The following NECAB1 variants were observed in gnomAD, a reference collection of about 807,000 sequenced individuals.
NECAB1 encodes the protein N-terminal EF-hand calcium-binding protein 1.
A neutral mutation model predicts 57.5 loss-of-function variants in NECAB1; 29 were observed. The ratio of observed to expected loss-of-function variants is 0.50; its 90% CI spans 0.38 to 0.69. The LOEUF (loss-of-function observed/expected upper bound fraction) is 0.69, where lower values mean the gene tolerates loss of function less well. Ranked by LOEUF, NECAB1 falls within the 30% of genes least tolerant of loss-of-function variation. The pLI is 0.00. For missense variants in NECAB1, 372 were observed against 413.8 expected, an observed-to-expected ratio of 0.90 and a Z score of 0.88; for synonymous variants, 142 against 147.7, an observed-to-expected ratio of 0.96 and a Z score of 0.28.
At chr8:90,923,068 A>C (rs1810167285) in intron 6 of NECAB1, among the ~76,000 whole-genome samples, 2 of 152,194 alleles carry the variant, frequency 1.3e-5, no homozygotes, top group South Asian at 4.1e-4. Context: ...TAAGAAGCCA[A>C]GATACAATAT....
intron 10 of NECAB1, among the ~76,000 whole-genome samples, chr8:90,944,703 G>A (rs1331923529): frequency 6.6e-6 from 1 of 152,076 alleles, no homozygotes; most frequent in Non-Finnish European, 1.5e-5. Context: ...CATGTTCATG[G>A]CCTAAAATTT....
At chr8:90,795,228 GA>G (rs1246509086) in intron 1 of NECAB1, among the ~76,000 whole-genome samples, 40 of 152,334 alleles carry the variant, frequency 2.6e-4, no homozygotes, top group Non-Finnish European at 1.0e-4. Flanking sequence ...CCGCTACTGT[GA>G]AAAGGGAGAA....
intron 3 of NECAB1, among the ~76,000 whole-genome samples, chr8:90,851,146 G>A (rs988984135): frequency 6.6e-6 from 1 of 152,174 alleles, no homozygotes; most frequent in African/African-American, 2.4e-5. Flanking sequence ...TGGGAAAGTG[G>A]TATACCCGAA....
At chr8:90,900,152 T>A (rs180944917) in intron 5 of NECAB1, among the ~76,000 whole-genome samples, 14 of 152,270 alleles carry the variant, frequency 9.2e-5, no homozygotes, top group Non-Finnish European at 1.3e-4. Context: ...AAATAGGCAG[T>A]TGTTCGGGAG....
In NECAB1 at chr8:90,958,747, A is replaced by G. The variant is rs573040851; in HGVS notation, c.*3235A>G. The G allele has an allele frequency of 1.3e-4, 48 of 365,984 alleles. No individual in the cohort carries two copies. Among genetic ancestry groups the G allele is most frequent in the African/African-American group, 8.8e-4 (41 of 46,410 alleles). 22.7% of individuals were successfully genotyped at this position (365,984 alleles called of 1,614,324 possible). A position where few individuals can be genotyped will look rare whatever the true frequency, so the allele number is the denominator to read the frequency against. ...TGCAAGTAGTATGCAAATTATAAAT[A>G]TACAGTCTTCCCACTTCACTAACCA... On this transcript the variant is annotated 3_prime_UTR_variant, in exon 13 of 13. Transcript: ENST00000417640.
chr8:90,953,732 C>T (rs1810962294), intron 12 of NECAB1, among the ~76,000 whole-genome samples: 1 of 151,912 alleles, frequency 6.6e-6, no homozygotes, highest in African/African-American at 2.4e-5. Flanking sequence ...TTTTAAAAAC[C>T]AGTTTTGTAC....
rs1353572124 is a variant in NECAB1, at chr8:90,917,640, G to A, written c.494+12G>A. 3 of 1,600,490 alleles carry A rather than the reference G, an allele frequency of 1.9e-6. No homozygotes were observed. Among genetic ancestry groups the A allele is most frequent in the East Asian group, 2.2e-5 (1 of 44,638 alleles). Reference sequence around the variant, plus strand: ...ACCCGTCAAGAAAGGCAATTTACATGTTTTCATCTGATGTCTATTTAGTGA... The same window carrying A: ...ACCCGTCAAGAAAGGCAATTTACATATTTTCATCTGATGTCTATTTAGTGA... On this transcript the variant is annotated intron_variant, in intron 6 of 12. Coordinates refer to ENST00000417640, the MANE Select transcript of NECAB1 (RefSeq NM_022351.5).
At chr8:90,815,461 G>A (rs1239887716) in intron 2 of NECAB1, among the ~76,000 whole-genome samples, 1 of 151,768 alleles carries the variant, frequency 6.6e-6, no homozygotes, top group Non-Finnish European at 1.5e-5. Flanking sequence ...ATAGGTTTTG[G>A]CAAATGCATG....
At chr8:90,836,349 TTAAAA>T (rs1812370654) in intron 3 of NECAB1, among the ~76,000 whole-genome samples, 1 of 152,204 alleles carries the variant, frequency 6.6e-6, no homozygotes, top group Non-Finnish European at 1.5e-5. Flanking sequence ...CTTTTAGCAG[TTAAAA>T]TATAAGAAGA....
chr8:90,887,098 C>A (rs1441841606), intron 5 of NECAB1, among the ~76,000 whole-genome samples: 2 of 152,120 alleles, frequency 1.3e-5, no homozygotes, highest in African/African-American at 4.8e-5. Context: ...AGTAGCTGTT[C>A]TGTCCGTGAC....
intron 4 of NECAB1, among the ~76,000 whole-genome samples, chr8:90,879,671 G>A (rs941694543): frequency 1.4e-4 from 21 of 152,040 alleles, no homozygotes; most frequent in African/African-American, 4.8e-4. Flanking sequence ...CTGCTCGCTG[G>A]TTGATGAAGA....
rs117595063 is a variant in NECAB1, at chr8:90,864,759, T to C, written c.234-7369T>C. 4.3e-3 allele frequency among the ~76,000 whole-genome samples: 658 copies of C among 152,216 alleles called. 4 individuals carry two copies. The highest frequency in any genetic ancestry group is 7.3e-3 in the Non-Finnish European group (496 of 67,992). Reference sequence around the variant, plus strand: ...TTTTACTGTAGATGGGATTCTACCATGTAGTGGGGAAGAGGGGATAGCTTT... The same window carrying C: ...TTTTACTGTAGATGGGATTCTACCACGTAGTGGGGAAGAGGGGATAGCTTT... On this transcript the variant is annotated intron_variant, in intron 3 of 12. Transcript: ENST00000417640.
At chr8:90,889,701 G>C (rs1809106612) in intron 5 of NECAB1, among the ~76,000 whole-genome samples, 1 of 152,216 alleles carries the variant, frequency 6.6e-6, no homozygotes, top group African/African-American at 2.4e-5. Flanking sequence ...CCTCTCCATA[G>C]GGCTGCTCCT....
chr8:90,893,777 G>A (rs1456007942), intron 5 of NECAB1, among the ~76,000 whole-genome samples: 1 of 152,180 alleles, frequency 6.6e-6, no homozygotes, highest in African/African-American at 2.4e-5. Flanking sequence ...AGCTGGGGAG[G>A]TCTGGGGAAA....
intron 5 of NECAB1, among the ~76,000 whole-genome samples, chr8:90,883,305 G>C (rs1469033158): frequency 6.6e-6 from 1 of 152,142 alleles, no homozygotes; most frequent in Non-Finnish European, 1.5e-5. Flanking sequence ...AAGCCCCTTT[G>C]TGTAATAGCT....
At chr8:90,794,508 G>A (rs1486450508) in intron 1 of NECAB1, among the ~76,000 whole-genome samples, 1 of 152,086 alleles carries the variant, frequency 6.6e-6, no homozygotes, top group Non-Finnish European at 1.5e-5. Context: ...CAATGTCACT[G>A]GAATAATCAA....
chr8:90,857,769 C>A (rs1290525304), intron 3 of NECAB1, among the ~76,000 whole-genome samples: 1 of 152,014 alleles, frequency 6.6e-6, no homozygotes, highest in Non-Finnish European at 1.5e-5. Context: ...TGAAATTGGA[C>A]CTCTTAGTCA....
chr8:90,918,050 C>T (rs1056820926), intron 6 of NECAB1, among the ~76,000 whole-genome samples: 2 of 149,172 alleles, frequency 1.3e-5, no homozygotes, highest in Non-Finnish European at 3.0e-5. Context: ...CACTTTGTCA[C>T]CCAGGCTTGA....
intron 5 of NECAB1, among the ~76,000 whole-genome samples, chr8:90,886,500 G>A (rs555029777): frequency 6.6e-6 from 1 of 152,138 alleles, no homozygotes; most frequent in South Asian, 2.1e-4. Flanking sequence ...ATGTAAAAGT[G>A]CAGGTCTTCT....
Sources: allele counts gnomAD v4.1 joint callset (sites outside exome capture counted in the v4.1 genomes callset), GRCh38; gene constraint gnomAD v4.1.1; transcripts MANE v1.5; gene names NCBI Gene and HGNC (gene_info 2026-07-23, HGNC 2026-07-21).